The following FZD3 variants were observed in gnomAD, a reference collection of about 807,000 sequenced individuals.
FZD3 encodes frizzled-3.
A neutral mutation model predicts 60.7 loss-of-function variants in FZD3; 30 were observed. The ratio of observed to expected loss-of-function variants is 0.49; its 90% CI spans 0.37 to 0.67. FZD3 has a LOEUF of 0.67. FZD3 is among the 30% of genes least tolerant of loss of function. FZD3 has a pLI of 0.00. For missense variants in FZD3, 605 were observed against 838.7 expected (o/e 0.72, Z 3.44); for synonymous variants, 246 against 275.2 (o/e 0.89, Z 1.05).
Position 28,571,864 on chromosome 8 carries a change from A to G in FZD3, c.*8853A>G, listed in dbSNP as rs936099699. ...TCTTATCTTGTTATTTAATAGAACA[A>G]TGGAAGCTGTTTCGTCAAAATTAAA... On this transcript the variant is annotated 3_prime_UTR_variant, in exon 8 of 8. Coordinates refer to ENST00000240093, the MANE Select transcript of FZD3 (RefSeq NM_017412.4). The G allele has an allele frequency of 6.6e-6, 1 of 152,178 alleles. No individual in the cohort carries two copies. Among genetic ancestry groups the G allele is most frequent in the African/African-American group, 2.4e-5 (1 of 41,440 alleles). 9.4% of individuals were successfully genotyped at this position (152,178 alleles called of 1,614,324 possible).
At position 28,567,261 on chromosome 8, in the gene FZD3, C is replaced by G. The variant is rs564703952; in HGVS notation, c.*4250C>G. 1 of 152,376 alleles carries G rather than the reference C, an allele frequency of 6.6e-6. No individual in the cohort carries two copies. Among genetic ancestry groups the G allele is most frequent in the South Asian group, 2.1e-4 (1 of 4,822 alleles). 9.4% of individuals were successfully genotyped at this position (152,376 alleles called of 1,614,324 possible). A position where few individuals can be genotyped will look rare whatever the true frequency, so the allele number is the denominator to read the frequency against. Reference sequence around the variant, plus strand: ...CTCCACCTCCCAGGTTCAAGTGATTCTTCTGTCTCAGCCTCCCGAGTAACT... The same window carrying G: ...CTCCACCTCCCAGGTTCAAGTGATTGTTCTGTCTCAGCCTCCCGAGTAACT... On this transcript the variant is annotated 3_prime_UTR_variant, in exon 8 of 8. Coordinates refer to ENST00000240093, the MANE Select transcript of FZD3 (RefSeq NM_017412.4).
intron 5 of FZD3, among the ~76,000 whole-genome samples, chr8:28,528,440 A>G (rs1343008633): frequency 6.6e-6 from 1 of 151,496 alleles, no homozygotes; most frequent in African/African-American, 2.4e-5. Flanking sequence ...AGAAGTGTGC[A>G]GTTTCGTGGG....
At chr8:28,503,808 T>G (rs764091194) in intron 3 of FZD3, among the ~76,000 whole-genome samples, 12 of 152,152 alleles carry the variant, frequency 7.9e-5, no homozygotes, top group Admixed American at 6.5e-5. Flanking sequence ...TAGACAAACC[T>G]GGGTTTGAAT....
At chr8:28,551,163 C>T (rs1256637880) in intron 5 of FZD3, among the ~76,000 whole-genome samples, 1 of 152,020 alleles carries the variant, frequency 6.6e-6, no homozygotes, top group African/African-American at 2.4e-5. Context: ...ATATTTTTTC[C>T]ACATAAGAAA....
At chr8:28,513,378 G>A (rs1252145553) in intron 3 of FZD3, among the ~76,000 whole-genome samples, 1 of 152,094 alleles carries the variant, frequency 6.6e-6, no homozygotes, top group Non-Finnish European at 1.5e-5. Context: ...TTTGACTTGT[G>A]AAAACACATA....
intron 4 of FZD3, among the ~76,000 whole-genome samples, chr8:28,521,630 CT>C (rs1804581995): frequency 6.6e-6 from 1 of 152,090 alleles, no homozygotes; most frequent in African/African-American, 2.4e-5. Flanking sequence ...GTGAGATAAT[CT>C]TTATGTTGAA....
chr8:28,554,692 A>G lies in FZD3; in HGVS notation c.1554-1046A>G, dbSNP rs946891079. ...CATGAATCTCTGTAATGATGACATT[A>G]TTAAGAGGATTCAAAGGAGAATATA... On this transcript the variant is annotated intron_variant, in intron 6 of 7. Coordinates refer to ENST00000240093, the MANE Select transcript of FZD3 (RefSeq NM_017412.4). 8.5e-5 allele frequency among the ~76,000 whole-genome samples: 13 copies of G among 152,150 alleles called. 1 individual carries two copies. The highest frequency in any genetic ancestry group is 8.5e-4 in the Admixed American group (13 of 15,288).
At chr8:28,536,537 A>C (rs933718369) in intron 5 of FZD3, among the ~76,000 whole-genome samples, 1 of 152,154 alleles carries the variant, frequency 6.6e-6, no homozygotes, top group Non-Finnish European at 1.5e-5. Flanking sequence ...GTGAAAGCCT[A>C]TCTGTACTAA....
At chr8:28,539,635 G>C (rs1805110762) in intron 5 of FZD3, among the ~76,000 whole-genome samples, 1 of 152,072 alleles carries the variant, frequency 6.6e-6, no homozygotes, top group Non-Finnish European at 1.5e-5. Context: ...CTGATGAATA[G>C]TTCATTTTTA....
In FZD3 at chr8:28,571,289, G is replaced by A. The variant is rs984423335; in HGVS notation, c.*8278G>A. The A allele has an allele frequency of 2.0e-5, 3 of 152,020 alleles. No homozygotes were observed. Among genetic ancestry groups the A allele is most frequent in the Non-Finnish European group, 2.9e-5 (2 of 68,006 alleles). The allele number at this position is 152,020 out of a possible 1,614,324, so 9.4% of individuals were successfully genotyped here. A position where few individuals can be genotyped will look rare whatever the true frequency, so the allele number is the denominator to read the frequency against. On this transcript the variant is annotated 3_prime_UTR_variant, in exon 8 of 8. Transcript: ENST00000240093. ...TTAACAAATGTCTTCCTTTATCCCT[G>A]CCTCAGATAATTTTTCCCTGAACTC... is the stretch of plus-strand genomic sequence containing the variant.
chr8:28,563,959 A>G lies in FZD3; in HGVS notation c.*948A>G, dbSNP rs563879407. ...TCTACAGTGAGATGTGATCTTGCCA[A>G]AGCCACCAGACCTTGGCTTCCAGGC... is the stretch of plus-strand genomic sequence containing the variant. On this transcript the variant is annotated 3_prime_UTR_variant, in exon 8 of 8. Transcript: ENST00000240093. The G allele has an allele frequency of 3.3e-5, 5 of 152,666 alleles. No homozygotes were observed. The highest frequency in any genetic ancestry group is 4.8e-5 in the African/African-American group (2 of 41,450). The allele number at this position is 152,666 out of a possible 1,614,324, so 9.5% of individuals were successfully genotyped here. A position where few individuals can be genotyped will look rare whatever the true frequency, so the allele number is the denominator to read the frequency against.
chr8:28,561,043 TC>T (rs1369877839), intron 7 of FZD3, among the ~76,000 whole-genome samples: 1 of 152,192 alleles, frequency 6.6e-6, no homozygotes, highest in East Asian at 1.9e-4. Context: ...TTTTTTGCTT[TC>T]CTGAAACAAA....
chr8:28,515,079 C>T (rs1804388739), intron 3 of FZD3, among the ~76,000 whole-genome samples: 1 of 152,122 alleles, frequency 6.6e-6, no homozygotes, highest in South Asian at 2.1e-4. Context: ...ATCTCGTTTT[C>T]TTCACATGTA....
intron 5 of FZD3, among the ~76,000 whole-genome samples, chr8:28,528,480 A>C (rs1023761384): frequency 4.6e-5 from 7 of 151,906 alleles, no homozygotes; most frequent in African/African-American, 1.7e-4. Context: ...GTTTATAAAA[A>C]TTTGCTTTTT....
chr8:28,507,805 A>G (rs1474262525), intron 3 of FZD3, among the ~76,000 whole-genome samples: 1 of 143,428 alleles, frequency 7.0e-6, no homozygotes, highest in South Asian at 2.2e-4. Context: ...TTTTTTTTTA[A>G]CATATTTGAT....
intron 3 of FZD3, among the ~76,000 whole-genome samples, chr8:28,510,845 T>G (rs1283909102): frequency 6.6e-6 from 1 of 151,708 alleles, no homozygotes; most frequent in East Asian, 2.0e-4. Flanking sequence ...GAGACCAGCC[T>G]GACCAATATG....
chr8:28,527,147 G>C lies in FZD3; in HGVS notation c.387G>C (p.Arg129Ser), dbSNP rs1804734352. 8.8e-6 allele frequency: 14 copies of C among 1,593,920 alleles called. No individual in the cohort carries two copies. The highest frequency in any genetic ancestry group is 1.4e-5 in the African/African-American group (1 of 73,490). Residue 129 changes from arginine (R) to serine (S), a missense_variant and splice_region_variant, in exon 5 of 8, where the codon AGG (arginine) becomes AGC (serine). Coordinates refer to ENST00000240093, the MANE Select transcript of FZD3 (RefSeq NM_017412.4). The surrounding 1 kb of genome is among the most constrained non-coding windows in gnomAD (Gnocchi z 5.0). ...VPWPEDMECS[R>S]FPDCDEPYPR... ...GTTCTCATCTTGTTTTGTTTTTTAG[G>C]TTCCCAGATTGTGATGAGCCATATC...
intron 5 of FZD3, among the ~76,000 whole-genome samples, chr8:28,539,835 T>C (rs959337112): frequency 4.4e-5 from 6 of 137,886 alleles, no homozygotes; most frequent in Non-Finnish European, 6.2e-5. Flanking sequence ...AAGTATTGAA[T>C]TTAGGCCATC....
intron 6 of FZD3, among the ~76,000 whole-genome samples, chr8:28,553,300 C>T (rs1048845163): frequency 6.6e-6 from 1 of 152,184 alleles, no homozygotes; most frequent in Non-Finnish European, 1.5e-5. Context: ...TACTATGTGC[C>T]ACCAACTACT....
Sources: allele counts gnomAD v4.1 joint callset (sites outside exome capture counted in the v4.1 genomes callset), GRCh38; gene constraint gnomAD v4.1.1; non-coding constraint Gnocchi (gnomAD v3.1); transcripts MANE v1.5; gene names NCBI Gene and HGNC (gene_info 2026-07-23, HGNC 2026-07-21).